STUM: variants seen among roughly 807,000 people sequenced by gnomAD.
The protein encoded by STUM is stum, mechanosensory transduction mediator homolog, also known as protein stum homolog.
STUM carries 8 observed loss-of-function variants against 15.3 expected under a neutral mutation model. The ratio of observed to expected loss-of-function variants is 0.52; its 90% CI spans 0.31 to 0.94. The LOEUF (loss-of-function observed/expected upper bound fraction) is 0.94, where lower values mean the gene tolerates loss of function less well. Among genes scored for constraint, STUM ranks in the 40% least tolerant of loss-of-function variants. The probability of loss-of-function intolerance (pLI) is 0.05; values close to 1 mark genes in which losing one functional copy is unlikely to be tolerated. For missense variants in STUM, 142 were observed against 204.9 expected, an observed-to-expected ratio of 0.69 and a Z score of 1.87; for synonymous variants, 78 against 88.7, an observed-to-expected ratio of 0.88 and a Z score of 0.68.
intron 1 of STUM, 117 bp from the exon 2 acceptor site, chr1:226,596,685 G>C (rs3738714): frequency 2.2e-6 from 2 of 897,492 alleles, no homozygotes; most frequent in Non-Finnish European, 3.5e-6. Context: ...CCAGACATCG[G>C]TGGTTCTTCT....
chr1:226,574,953 G>A lies in STUM; in HGVS notation c.203-21849G>A, dbSNP rs566170606. Among the ~76,000 whole-genome samples the A allele has an allele frequency of 3.3e-5, 5 of 152,296 alleles. No individual in the cohort carries two copies. In the South Asian group the frequency reaches 6.2e-4, roughly 19 times the overall value. ...CAAGCAAACCGCAGGTGTGGACCGC[G>A]GTCAGTTCCGAGCAGGGCTGGGGTC... On this transcript the variant is annotated intron_variant, in intron 1 of 3. Coordinates refer to ENST00000366788, the MANE Select transcript of STUM (RefSeq NM_001003665.4).
chr1:226,596,751 C>T, intron 1 of STUM, 51 bp from the exon 2 acceptor site: 1 of 1,529,206 alleles, frequency 6.5e-7, no homozygotes, highest in Non-Finnish European at 9.0e-7. Flanking sequence ...GCACACAGAC[C>T]CCTTTGTCTC....
chr1:226,576,870 C>T (rs192896417), intron 1 of STUM, among the ~76,000 whole-genome samples: 2 of 152,298 alleles, frequency 1.3e-5, no homozygotes, highest in East Asian at 1.9e-4. Context: ...TTTAATAAAC[C>T]CTTATGAAAG....
At chr1:226,597,691 A>G (rs986979311) in intron 2 of STUM, among the ~76,000 whole-genome samples, 2 of 152,224 alleles carry the variant, frequency 1.3e-5, no homozygotes, top group Non-Finnish European at 2.9e-5. Flanking sequence ...GGCACACACA[A>G]ATGGCAGGAC....
At chr1:226,576,406 A>G (rs1398102527) in intron 1 of STUM, among the ~76,000 whole-genome samples, 1 of 152,240 alleles carries the variant, frequency 6.6e-6, no homozygotes, top group Non-Finnish European at 1.5e-5. Context: ...TGCAAAAGCC[A>G]TGATGAAATG....
intron 1 of STUM, among the ~76,000 whole-genome samples, chr1:226,563,254 C>T (rs1409175379): frequency 6.6e-6 from 1 of 152,228 alleles, no homozygotes; most frequent in Non-Finnish European, 1.5e-5. Flanking sequence ...CCAGTCACAT[C>T]CTCTCTCTTA....
chr1:226,556,439 CG>C (rs1227397151), intron 1 of STUM, among the ~76,000 whole-genome samples: 1 of 152,142 alleles, frequency 6.6e-6, no homozygotes, highest in Non-Finnish European at 1.5e-5. Flanking sequence ...GATGGGCCAT[CG>C]GGGCCCATTT....
chr1:226,598,856 G>T (rs373783991), intron 2 of STUM, among the ~76,000 whole-genome samples: 1 of 152,178 alleles, frequency 6.6e-6, no homozygotes, highest in Non-Finnish European at 1.5e-5. Context: ...CTTTTGGGGG[G>T]TGTATTAGTT....
intron 1 of STUM, among the ~76,000 whole-genome samples, chr1:226,575,102 C>T (rs961971173): frequency 2.0e-5 from 3 of 152,176 alleles, no homozygotes; most frequent in Non-Finnish European, 2.9e-5. Flanking sequence ...GCCTTGGGCA[C>T]AGAGAGCCTG....
intron 1 of STUM, among the ~76,000 whole-genome samples, chr1:226,593,530 C>T (rs187194861): frequency 5.1e-4 from 77 of 152,222 alleles, no homozygotes; most frequent in Admixed American, 1.2e-3. Flanking sequence ...ATGAGTTTGC[C>T]CAGTACACTG....
intron 1 of STUM, among the ~76,000 whole-genome samples, chr1:226,580,960 C>T (rs942002740): frequency 2.0e-5 from 3 of 152,294 alleles, no homozygotes; most frequent in Non-Finnish European, 4.4e-5. Flanking sequence ...CTCTCTTCTA[C>T]GAGGTCATTC....
chr1:226,548,917 C>A lies in STUM; in HGVS notation c.13C>A (p.His5Asn). 7.0e-7 allele frequency: 1 copy of A among 1,426,802 alleles called. No homozygotes were observed. The highest frequency in any genetic ancestry group is 3.0e-5 in the East Asian group (1 of 33,366). The allele number at this position is 1,426,802 out of a possible 1,614,324, so 88.4% of individuals were successfully genotyped here. Residue 5 changes from histidine (H) to asparagine (N), a missense_variant, in exon 1 of 4, where the codon CAC becomes AAC. Around this residue, in one of 2 missense-constraint regions of STUM, gnomAD observed 113 missense variants for 134.4 expected, o/e 0.84. Coordinates refer to ENST00000366788, the MANE Select transcript of STUM (RefSeq NM_001003665.4). MEPS[H>N]KDAETAAAAA... is the part of the protein sequence containing the mutation. ...AGCGCGCCCGGCCATGGAGCCCTCG[C>A]ACAAAGACGCCGAGACGGCGGCGGC...
chr1:226,561,983 TAG>T (rs1377788356), intron 1 of STUM, among the ~76,000 whole-genome samples: 1 of 127,756 alleles, frequency 7.8e-6, no homozygotes, highest in Non-Finnish European at 1.6e-5. Flanking sequence ...GGCAAATCTG[TAG>T]AGACAGTATG....
chr1:226,596,935 C>T lies in STUM; in HGVS notation c.336C>T (p.Gly112=), dbSNP rs1423223307. The T allele has an allele frequency of 6.8e-6, 11 of 1,614,240 alleles. No individual in the cohort carries two copies. Among genetic ancestry groups the T allele is most frequent in the Non-Finnish European group, 8.5e-6 (10 of 1,180,028 alleles). The change falls in exon 2 of 4, where the codon GGC becomes GGT. Residue 112 remains glycine, a synonymous_variant. Coordinates refer to ENST00000366788, the MANE Select transcript of STUM (RefSeq NM_001003665.4). ...IQILTAIVMV[G]WIMSIFWGMD... is the part of the protein sequence containing the mutation. ...TCCTCACTGCCATCGTCATGGTGGG[C>T]TGGATCATGAGCATCTTCTGGGGCA...
chr1:226,596,540 C>G (rs923695815), intron 1 of STUM, among the ~76,000 whole-genome samples: 1 of 152,240 alleles, frequency 6.6e-6, no homozygotes, highest in African/African-American at 2.4e-5. Context: ...TTGTCTCCCC[C>G]AGAGGTTCCA....
At chr1:226,598,768 T>C (rs1668221310) in intron 2 of STUM, among the ~76,000 whole-genome samples, 1 of 152,216 alleles carries the variant, frequency 6.6e-6, no homozygotes, top group South Asian at 2.1e-4. Flanking sequence ...CAGCCTTCAC[T>C]GGGGGTCAGC....
chr1:226,586,993 C>G (rs1324670201), intron 1 of STUM, among the ~76,000 whole-genome samples: 1 of 152,146 alleles, frequency 6.6e-6, no homozygotes, highest in African/African-American at 2.4e-5. Context: ...ATGGCAGGCT[C>G]GCAGTTAGGG....
In STUM at chr1:226,549,121, C is replaced by T; in HGVS notation, c.202+15C>T. ...GCCGGGACTGGGTAAGACACGGCTGCCGCGACCCTTGCGACCCCCACCCCG... is the reference window on the plus strand; with the variant it reads ...GCCGGGACTGGGTAAGACACGGCTGTCGCGACCCTTGCGACCCCCACCCCG... On this transcript the variant is annotated intron_variant, in intron 1 of 3. Coordinates refer to ENST00000366788, the MANE Select transcript of STUM (RefSeq NM_001003665.4). This position sits in a 1 kb window ranked among gnomAD's most constrained non-coding sequence, Gnocchi z 6.8. The T allele has an allele frequency of 6.4e-7, 1 of 1,566,994 alleles. No homozygotes were observed. Among genetic ancestry groups the T allele is most frequent in the Non-Finnish European group, 8.6e-7 (1 of 1,159,248 alleles).
At chr1:226,566,360 C>T (rs1333945096) in intron 1 of STUM, among the ~76,000 whole-genome samples, 3 of 151,866 alleles carry the variant, frequency 2.0e-5, no homozygotes, top group African/African-American at 4.8e-5. Flanking sequence ...GATTTTTTTC[C>T]CCCTCTTGTG....
Sources: gnomAD v4.1 joint callset for allele counts (sites outside exome capture counted in the v4.1 genomes callset) on GRCh38, gnomAD v4.1.1 for gene constraint, gnomAD v4.1.1 regional missense constraint, Gnocchi (gnomAD v3.1) non-coding constraint, MANE v1.5 for transcripts, NCBI Gene and HGNC (gene_info 2026-07-23, HGNC 2026-07-21) for gene names.